The following PTPRR variants were observed in gnomAD, a reference collection of about 807,000 sequenced individuals.
The protein encoded by PTPRR is protein tyrosine phosphatase receptor type R.
A neutral mutation model predicts 77.2 loss-of-function variants in PTPRR; 38 were observed. The ratio of observed to expected loss-of-function variants is 0.49; its 90% confidence interval spans 0.38 to 0.65. The LOEUF is 0.65. PTPRR is among the 30% of genes least tolerant of loss of function. The probability of loss-of-function intolerance (pLI) is 0.00; values close to 1 mark genes in which losing one functional copy is unlikely to be tolerated. For synonymous variants in PTPRR, 299 were observed against 283.1 expected (o/e 1.06, Z -0.57); for missense variants, 744 against 799.2 (o/e 0.93, Z 0.83).
At chr12:70,809,674 G>T (rs896421724) in intron 2 of PTPRR, among the ~76,000 whole-genome samples, 1 of 152,138 alleles carries the variant, frequency 6.6e-6, no homozygotes. Context: ...TTGATGGAAA[G>T]TTTTAAGTAT....
intron 1 of PTPRR, among the ~76,000 whole-genome samples, chr12:70,894,369 C>T (rs954174244): frequency 5.3e-5 from 8 of 151,622 alleles, no homozygotes; most frequent in Admixed American, 2.6e-4. Context: ...GAGAGACCCA[C>T]GTTCATTTAT....
At chr12:70,733,465 T>TAAAAAAAAAC (rs1889748544) in intron 6 of PTPRR, among the ~76,000 whole-genome samples, 1 of 73,480 alleles carries the variant, frequency 1.4e-5, no homozygotes, top group African/African-American at 7.9e-5. Flanking sequence ...AAAGAAAAAT[T>TAAAAAAAAAC]ATGGCAAAAA....
intron 8 of PTPRR, among the ~76,000 whole-genome samples, chr12:70,687,091 A>G (rs182651740): frequency 2.6e-4 from 40 of 152,122 alleles, no homozygotes; most frequent in African/African-American, 8.7e-4. Flanking sequence ...AATTATTACA[A>G]TTCTATAACG....
intron 2 of PTPRR, among the ~76,000 whole-genome samples, chr12:70,825,988 A>C (rs953741992): frequency 2.6e-5 from 4 of 152,232 alleles, no homozygotes; most frequent in Admixed American, 2.6e-4. Flanking sequence ...CATGATTCAT[A>C]TAAATTGATT....
At chr12:70,763,662 G>A (rs1386163668) in intron 3 of PTPRR, among the ~76,000 whole-genome samples, 2 of 152,180 alleles carry the variant, frequency 1.3e-5, no homozygotes. Context: ...AGAAAGCTGA[G>A]CTCCATGCAG....
intron 6 of PTPRR, among the ~76,000 whole-genome samples, chr12:70,702,776 A>C (rs138664643): frequency 6.6e-6 from 1 of 152,080 alleles, no homozygotes; most frequent in Non-Finnish European, 1.5e-5. Context: ...TTAGACATTT[A>C]TTTTCCTTAT....
intron 1 of PTPRR, among the ~76,000 whole-genome samples, chr12:70,904,499 A>T (rs7965431): frequency 0.29 from 44,221 of 151,676 alleles, 6,660 homozygotes; most frequent in South Asian, 0.46. Context: ...AAGACAAAAA[A>T]ATATAGTTAT....
intron 2 of PTPRR, among the ~76,000 whole-genome samples, chr12:70,864,334 C>T (rs1046287215): frequency 2.0e-5 from 3 of 152,152 alleles, no homozygotes; most frequent in African/African-American, 4.8e-5. Context: ...CCATAGGTTT[C>T]TGGTCAGCCA....
chr12:70,765,930 C>T (rs1053427825), intron 2 of PTPRR, among the ~76,000 whole-genome samples: 1 of 152,194 alleles, frequency 6.6e-6, no homozygotes, highest in Admixed American at 6.5e-5. Flanking sequence ...CTAGAAAACT[C>T]CAACAGACCT....
intron 6 of PTPRR, among the ~76,000 whole-genome samples, chr12:70,741,994 G>C (rs772082604): frequency 2.0e-5 from 3 of 152,164 alleles, no homozygotes; most frequent in Non-Finnish European, 2.9e-5. Context: ...TGAAAAAGAG[G>C]AAGAGAGAGA....
At chr12:70,847,962 T>C (rs1374650577) in intron 2 of PTPRR, among the ~76,000 whole-genome samples, 1 of 152,214 alleles carries the variant, frequency 6.6e-6, no homozygotes, top group African/African-American at 2.4e-5. Flanking sequence ...TTTCGGGGTA[T>C]CCCCTTCATC....
chr12:70,746,329 A>C (rs1050760568), intron 5 of PTPRR, among the ~76,000 whole-genome samples: 3 of 152,204 alleles, frequency 2.0e-5, no homozygotes, highest in Non-Finnish European at 2.9e-5. Context: ...TCTGTTCCAC[A>C]AAGATATATT....
intron 6 of PTPRR, among the ~76,000 whole-genome samples, chr12:70,736,830 A>G (rs1369820772): frequency 2.0e-5 from 3 of 152,194 alleles, no homozygotes; most frequent in African/African-American, 7.2e-5. Flanking sequence ...AATAGAATGA[A>G]TGGTGTTTAT....
At chr12:70,651,027 T>C (rs999435893) in intron 13 of PTPRR, among the ~76,000 whole-genome samples, 1 of 152,236 alleles carries the variant, frequency 6.6e-6, no homozygotes, top group Non-Finnish European at 1.5e-5. Flanking sequence ...CATTTTATAC[T>C]GGGCCTCACA....
At chr12:70,853,395 T>TA (rs1892602560) in intron 2 of PTPRR, among the ~76,000 whole-genome samples, 1 of 152,178 alleles carries the variant, frequency 6.6e-6, no homozygotes, top group African/African-American at 2.4e-5. Context: ...TAAAACTACA[T>TA]AAGGTCGCAC....
intron 1 of PTPRR, among the ~76,000 whole-genome samples, chr12:70,895,346 T>C (rs573608414): frequency 7.9e-5 from 12 of 151,630 alleles, no homozygotes; most frequent in African/African-American, 2.9e-4. Flanking sequence ...TCACACCAAG[T>C]CTTTTCAGAG....
At chr12:70,642,420 C>G (rs1378569807) in intron 13 of PTPRR, among the ~76,000 whole-genome samples, 2 of 152,080 alleles carry the variant, frequency 1.3e-5, no homozygotes, top group East Asian at 3.9e-4. Context: ...TTTCTCACTC[C>G]CAGCGTTGTG....
intron 2 of PTPRR, among the ~76,000 whole-genome samples, chr12:70,860,415 C>G (rs1374348955): frequency 6.6e-6 from 1 of 151,962 alleles, no homozygotes; most frequent in South Asian, 2.1e-4. Context: ...AAGGATAGCC[C>G]AAAAGGCCCA....
intron 2 of PTPRR, among the ~76,000 whole-genome samples, chr12:70,845,668 T>C (rs79560673): frequency 0.029 from 4,363 of 152,270 alleles, 103 homozygotes; most frequent in Non-Finnish European, 0.045. Flanking sequence ...AAGTCTTCAT[T>C]GGATAAAATG....
Sources: allele counts gnomAD v4.1 joint callset (sites outside exome capture counted in the v4.1 genomes callset), GRCh38; gene constraint gnomAD v4.1.1; transcripts MANE v1.5; gene names NCBI Gene and HGNC (gene_info 2026-07-23, HGNC 2026-07-21).